Variants in DPP10 observed in about 807,000 individuals in gnomAD.
DPP10 encodes dipeptidyl peptidase like 10.
Under a neutral mutation model 120.9 loss-of-function variants are expected in DPP10, and 33 were observed. The observed-to-expected ratio is 0.27, with a 90% CI of 0.21 to 0.37. The LOEUF is 0.37. Among genes scored for constraint, DPP10 ranks in the 10% least tolerant of loss-of-function variants. DPP10 has a pLI of 1.00. For missense variants in DPP10, 816 were observed against 942.8 expected (o/e 0.87, Z 1.76); for synonymous variants, 337 against 326.1 (o/e 1.03, Z -0.36).
At position 115,091,482 on chromosome 2, in the gene DPP10, T is replaced by C. The variant is rs563918052; in HGVS notation, c.61-217757T>C. Among the ~76,000 whole-genome samples, 5 of 152,264 alleles carry C rather than the reference T, an allele frequency of 3.3e-5. No homozygotes were observed. The East Asian group carries it at 7.7e-4, about 24-fold the overall frequency. On this transcript the variant is annotated intron_variant, in intron 1 of 25. Coordinates refer to ENST00000410059, the MANE Select transcript of DPP10 (RefSeq NM_020868.6). ...TTTAGGTTTGAAGTTAGTTTTTTTG[T>C]TTTTTTGTTTTCCACCACATAGGAA...
intron 1 of DPP10, among the ~76,000 whole-genome samples, chr2:115,115,136 T>C (rs1350374700): frequency 1.3e-5 from 2 of 151,874 alleles, no homozygotes; most frequent in African/African-American, 4.8e-5. Flanking sequence ...ACGGGGAGGT[T>C]TGCAGGAGGT....
chr2:114,757,099 G>A (rs1214865622), intron 1 of DPP10, among the ~76,000 whole-genome samples: 2 of 149,850 alleles, frequency 1.3e-5, no homozygotes, highest in Non-Finnish European at 3.0e-5. Flanking sequence ...AGTAAAGGAA[G>A]GAAGGAGGAA....
intron 1 of DPP10, among the ~76,000 whole-genome samples, chr2:115,106,750 T>G (rs868809658): frequency 1.3e-5 from 2 of 152,162 alleles, no homozygotes; most frequent in African/African-American, 4.8e-5. Context: ...CCTGAGCCAC[T>G]GCACCCAGCC....
At chr2:115,005,716 G>A (rs1360193545) in intron 1 of DPP10, among the ~76,000 whole-genome samples, 7 of 152,058 alleles carry the variant, frequency 4.6e-5, no homozygotes, top group African/African-American at 1.7e-4. Context: ...ATGGGACTAT[G>A]TGAAAAGACC....
chr2:115,541,363 A>G (rs2079160322), intron 5 of DPP10, among the ~76,000 whole-genome samples: 1 of 151,760 alleles, frequency 6.6e-6, no homozygotes, highest in Admixed American at 6.6e-5. Flanking sequence ...CTGATAAATC[A>G]CTGTATCAAG....
intron 5 of DPP10, among the ~76,000 whole-genome samples, chr2:115,586,727 T>C (rs1575253632): frequency 6.6e-6 from 1 of 152,200 alleles, no homozygotes; most frequent in South Asian, 2.1e-4. Context: ...AATCCTATTA[T>C]TTATGCAAAA....
intron 1 of DPP10, among the ~76,000 whole-genome samples, chr2:114,984,707 AC>A (rs1303148231): frequency 6.6e-6 from 1 of 152,174 alleles, no homozygotes; most frequent in Non-Finnish European, 1.5e-5. Context: ...TCTAGTCAAA[AC>A]TTTAGCATTA....
chr2:114,902,234 A>G (rs1040597092), intron 1 of DPP10, among the ~76,000 whole-genome samples: 2 of 152,128 alleles, frequency 1.3e-5, no homozygotes, highest in Non-Finnish European at 2.9e-5. Context: ...TTCCTATGCT[A>G]TTGAAGTTGT....
At chr2:115,709,610 A>G (rs2092250766) in intron 7 of DPP10, among the ~76,000 whole-genome samples, 1 of 86,180 alleles carries the variant, frequency 1.2e-5, no homozygotes, top group Non-Finnish European at 2.4e-5. Context: ...TAGAATTTCG[A>G]AACAGTATTT....
intron 5 of DPP10, among the ~76,000 whole-genome samples, chr2:115,590,908 C>G (rs1396851611): frequency 6.6e-6 from 1 of 152,228 alleles, no homozygotes; most frequent in Non-Finnish European, 1.5e-5. Flanking sequence ...TTGCATTTCT[C>G]TGATGGCCAG....
intron 19 of DPP10, among the ~76,000 whole-genome samples, chr2:115,813,132 C>G (rs1216402617): frequency 2.0e-5 from 3 of 147,602 alleles, no homozygotes; most frequent in Non-Finnish European, 4.4e-5. Flanking sequence ...CAGGCGCCCG[C>G]CACCGCGCCC....
chr2:115,359,917 A>T (rs2064659176), intron 3 of DPP10, among the ~76,000 whole-genome samples: 1 of 151,992 alleles, frequency 6.6e-6, no homozygotes, highest in African/African-American at 2.4e-5. Flanking sequence ...AATGCTTCTA[A>T]TTATATTTTT....
chr2:115,636,951 A>G (rs942399333), intron 5 of DPP10, among the ~76,000 whole-genome samples: 9 of 152,200 alleles, frequency 5.9e-5, no homozygotes, highest in African/African-American at 1.9e-4. Flanking sequence ...GCCTCTCAGC[A>G]ACAGCCATTA....
chr2:115,621,762 C>T (rs2149283561), intron 5 of DPP10, among the ~76,000 whole-genome samples: 1 of 152,286 alleles, frequency 6.6e-6, no homozygotes, highest in Middle Eastern at 3.4e-3. Flanking sequence ...TCACTGCAAC[C>T]TCCGCCTCCC....
At chr2:115,377,108 A>G (rs2065870364) in intron 3 of DPP10, among the ~76,000 whole-genome samples, 1 of 152,090 alleles carries the variant, frequency 6.6e-6, no homozygotes, top group Admixed American at 6.6e-5. Context: ...CTAGTTCTAG[A>G]TCCTGGAGGA....
intron 5 of DPP10, among the ~76,000 whole-genome samples, chr2:115,642,595 T>C (rs2086875666): frequency 6.6e-6 from 1 of 152,228 alleles, no homozygotes; most frequent in African/African-American, 2.4e-5. Flanking sequence ...CCTTCTCTTC[T>C]TATTTCTCTT....
intron 1 of DPP10, chr2:115,064,748 C>A: frequency 7.7e-7 from 1 of 1,304,020 alleles, no homozygotes. Flanking sequence ...TGGTTATAGT[C>A]CACTTAGCAA....
At chr2:115,639,863 G>A (rs2086639443) in intron 5 of DPP10, among the ~76,000 whole-genome samples, 1 of 151,996 alleles carries the variant, frequency 6.6e-6, no homozygotes, top group Admixed American at 6.6e-5. Flanking sequence ...CTAACGTCAT[G>A]TCAGGTACTT....
At chr2:115,529,704 T>A (rs565007258) in intron 5 of DPP10, among the ~76,000 whole-genome samples, 1 of 152,254 alleles carries the variant, frequency 6.6e-6, no homozygotes, top group Non-Finnish European at 1.5e-5. Context: ...GTTTGAGAAC[T>A]TTTGTATTCT....
Sources: gnomAD v4.1 joint callset for allele counts (sites outside exome capture counted in the v4.1 genomes callset) on GRCh38, gnomAD v4.1.1 for gene constraint, MANE v1.5 for transcripts, NCBI Gene and HGNC (gene_info 2026-07-23, HGNC 2026-07-21) for gene names.